Variants in SLC44A1 observed in about 807,000 individuals in gnomAD.
SLC44A1 encodes the protein choline transporter-like protein 1.
SLC44A1 carries 26 observed loss-of-function variants against 79.3 expected under a neutral mutation model. The observed-to-expected ratio is 0.33, with a 90% confidence interval of 0.24 to 0.46. SLC44A1 has a LOEUF of 0.46. Ranked by LOEUF, SLC44A1 falls within the 20% of genes least tolerant of loss-of-function variation. The pLI, the probability that SLC44A1 is intolerant of heterozygous loss-of-function variation, is 1.00. For synonymous variants in SLC44A1, 263 were observed against 286.2 expected (o/e 0.92, Z 0.82); for missense variants, 688 against 798.1 (o/e 0.86, Z 1.66).
At chr9:105,411,870 AT>A (rs1829099483) in intron 15 of SLC44A1, among the ~76,000 whole-genome samples, 1 of 152,164 alleles carries the variant, frequency 6.6e-6, no homozygotes, top group African/African-American at 2.4e-5. Context: ...AACTTTGATC[AT>A]TTGGCTAAGG....
At chr9:105,377,190 T>C (rs1351125734) in intron 13 of SLC44A1, among the ~76,000 whole-genome samples, 2 of 152,200 alleles carry the variant, frequency 1.3e-5, no homozygotes, top group African/African-American at 2.4e-5. Flanking sequence ...TAGACTGTTA[T>C]TCACCTACTA....
chr9:105,434,063 G>C (rs538030333), intron 15 of SLC44A1, among the ~76,000 whole-genome samples: 3 of 152,248 alleles, frequency 2.0e-5, no homozygotes, highest in African/African-American at 7.2e-5. Flanking sequence ...ATTTAGGCTG[G>C]TCGGTGGCTC....
chr9:105,323,957 T>C (rs1391767283), intron 3 of SLC44A1, among the ~76,000 whole-genome samples: 1 of 152,182 alleles, frequency 6.6e-6, no homozygotes, highest in Non-Finnish European at 1.5e-5. Context: ...TTCTTCGACC[T>C]CTAGTCCTTT....
intron 15 of SLC44A1, among the ~76,000 whole-genome samples, chr9:105,425,680 G>A (rs1397631833): frequency 3.3e-5 from 5 of 152,072 alleles, no homozygotes; most frequent in African/African-American, 1.2e-4. Context: ...AAAATTAGCC[G>A]GGCGTGATGG....
chr9:105,310,859 T>C (rs184311895), intron 3 of SLC44A1, among the ~76,000 whole-genome samples: 17 of 152,346 alleles, frequency 1.1e-4, no homozygotes, highest in African/African-American at 3.8e-4. Flanking sequence ...GATAATGCAG[T>C]TTAAATAAAC....
chr9:105,338,025 G>T (rs1328335742), intron 4 of SLC44A1, among the ~76,000 whole-genome samples: 2 of 152,128 alleles, frequency 1.3e-5, no homozygotes, highest in African/African-American at 2.4e-5. Flanking sequence ...TCTTAAATTG[G>T]TGCCTAGCTA....
chr9:105,270,596 T>C (rs1389311475), intron 1 of SLC44A1, among the ~76,000 whole-genome samples: 2 of 152,240 alleles, frequency 1.3e-5, no homozygotes, highest in Admixed American at 6.5e-5. Flanking sequence ...TTCAGGGCCT[T>C]CCTTTTCTCT....
At chr9:105,357,442 A>T (rs982995432) in intron 6 of SLC44A1, among the ~76,000 whole-genome samples, 2 of 152,240 alleles carry the variant, frequency 1.3e-5, no homozygotes, top group African/African-American at 4.8e-5. Context: ...CTAAGCCATC[A>T]GAATTCTATT....
chr9:105,437,881 CCT>C (rs1187342508), intron 15 of SLC44A1, among the ~76,000 whole-genome samples: 3 of 152,158 alleles, frequency 2.0e-5, no homozygotes, highest in African/African-American at 7.2e-5. Context: ...GTTCTAAAAA[CCT>C]CTTTGTCAAA....
chr9:105,376,345 AC>A (rs1468658698), intron 13 of SLC44A1, among the ~76,000 whole-genome samples: 1 of 130,540 alleles, frequency 7.7e-6, no homozygotes, highest in Admixed American at 7.2e-5. Context: ...ACACACACAC[AC>A]ACACTACACA....
At chr9:105,272,953 A>G (rs1005369344) in intron 1 of SLC44A1, among the ~76,000 whole-genome samples, 3 of 145,986 alleles carry the variant, frequency 2.1e-5, no homozygotes, top group African/African-American at 8.1e-5. Flanking sequence ...AGTACGTTTA[A>G]TTTTCTTTCA....
At chr9:105,321,601 A>G (rs1826395042) in intron 3 of SLC44A1, among the ~76,000 whole-genome samples, 1 of 152,210 alleles carries the variant, frequency 6.6e-6, no homozygotes, top group African/African-American at 2.4e-5. Flanking sequence ...GTGACAAGGG[A>G]CTATAACCTG....
chr9:105,387,468 T>G (rs1349354007), intron 15 of SLC44A1, among the ~76,000 whole-genome samples: 1 of 152,058 alleles, frequency 6.6e-6, no homozygotes, highest in Non-Finnish European at 1.5e-5. Context: ...TCACAAAAGC[T>G]GAGGAGGGCA....
At chr9:105,259,802 T>G (rs992797461) in intron 1 of SLC44A1, among the ~76,000 whole-genome samples, 4 of 152,364 alleles carry the variant, frequency 2.6e-5, no homozygotes, top group East Asian at 1.9e-4. Context: ...TATGAAAGTT[T>G]GGAAATAATA....
intron 3 of SLC44A1, among the ~76,000 whole-genome samples, chr9:105,320,406 CAG>C (rs964314918): frequency 6.7e-6 from 1 of 148,266 alleles, no homozygotes; most frequent in Non-Finnish European, 1.5e-5. Flanking sequence ...ATTGAGATTG[CAG>C]AGTCATGTGG....
intron 1 of SLC44A1, among the ~76,000 whole-genome samples, chr9:105,264,556 GGTT>G (rs1829916300): frequency 6.6e-6 from 1 of 152,146 alleles, no homozygotes. Context: ...TGGAGATCGT[GGTT>G]GTCTTGTTCT....
chr9:105,346,385 T>C (rs1232375204), intron 4 of SLC44A1, among the ~76,000 whole-genome samples: 1 of 152,142 alleles, frequency 6.6e-6, no homozygotes, highest in Admixed American at 6.6e-5. Context: ...ATAGAGATTA[T>C]GCTAACTGAA....
At chr9:105,314,001 C>A (rs1324174559) in intron 3 of SLC44A1, among the ~76,000 whole-genome samples, 2 of 152,004 alleles carry the variant, frequency 1.3e-5, no homozygotes, top group Non-Finnish European at 2.9e-5. Context: ...TGAGCTCAGG[C>A]AATCTGTCCA....
chr9:105,426,816 T>C (rs1265886596), intron 15 of SLC44A1, among the ~76,000 whole-genome samples: 1 of 152,166 alleles, frequency 6.6e-6, no homozygotes, highest in East Asian at 1.9e-4. Flanking sequence ...AAAATATTAG[T>C]TACAACCAAG....
Sources: gnomAD v4.1 joint callset for allele counts (sites outside exome capture counted in the v4.1 genomes callset) on GRCh38, gnomAD v4.1.1 for gene constraint, MANE v1.5 for transcripts, NCBI Gene and HGNC (gene_info 2026-07-23, HGNC 2026-07-21) for gene names.